Variants in IL17RA observed in about 807,000 individuals in gnomAD.
The protein encoded by IL17RA is interleukin 17 receptor A.
Under a neutral mutation model 50.4 loss-of-function variants are expected in IL17RA, and 34 were observed. The observed-to-expected ratio is 0.67, with a 90% confidence interval of 0.51 to 0.90. The LOEUF (loss-of-function observed/expected upper bound fraction) is 0.90, where lower values mean the gene tolerates loss of function less well. Ranked by LOEUF, IL17RA falls within the 40% of genes least tolerant of loss-of-function variation. The probability of loss-of-function intolerance (pLI) is 0.00; values close to 1 mark genes in which losing one functional copy is unlikely to be tolerated. For missense variants in IL17RA, 1,276 were observed against 1,169.8 expected, an observed-to-expected ratio of 1.09 and a Z score of -1.32; for synonymous variants, 585 against 510.4, an observed-to-expected ratio of 1.15 and a Z score of -1.97.
intron 11 of IL17RA, among the ~76,000 whole-genome samples, chr22:17,106,817 T>G (rs1039275354): frequency 3.9e-5 from 6 of 152,172 alleles, no homozygotes; most frequent in Non-Finnish European, 7.3e-5. Flanking sequence ...TCTCGGCCAG[T>G]GCTCCACAGG....
Position 17,109,998 on chromosome 22 carries a change from G to A in IL17RA, c.*178G>A. The stretch of plus-strand genomic sequence containing the variant: ...CCTCCTAACTTTTCTTTGTGCAGCG[G>A]TCTGGTTATCGTCTATCCCCAGGGG... On this transcript the variant is annotated 3_prime_UTR_variant, in exon 13 of 13. Transcript: ENST00000319363. The A allele has an allele frequency of 1.5e-6, 1 of 680,862 alleles. No individual in the cohort carries two copies. The highest frequency in any genetic ancestry group is 2.4e-6 in the Non-Finnish European group (1 of 408,686). The allele number at this position is 680,862 out of a possible 1,614,324, so 42.2% of individuals were successfully genotyped here.
Position 17,111,979 on chromosome 22 carries a change from A to G in IL17RA, c.*2159A>G, listed in dbSNP as rs950673791. 1.3e-5 allele frequency: 2 copies of G among 152,184 alleles called. No individual in the cohort carries two copies. Among genetic ancestry groups the G allele is most frequent in the African/African-American group, 2.4e-5 (1 of 41,420 alleles). The allele number at this position is 152,184 out of a possible 1,614,324, so 9.4% of individuals were successfully genotyped here. ...AAAGGACCAGGCAAAGGAGAACAGGAGCAGAAGCCTCCCAGCCACTAGCCT... is the reference window on the plus strand; with the variant it reads ...AAAGGACCAGGCAAAGGAGAACAGGGGCAGAAGCCTCCCAGCCACTAGCCT... On this transcript the variant is annotated 3_prime_UTR_variant, in exon 13 of 13. Transcript: ENST00000319363.
In IL17RA at chr22:17,109,129, C is replaced by A. The variant is rs867971944; in HGVS notation, c.1910C>A (p.Pro637Gln). The change falls in exon 13 of 13, where the codon CCG becomes CAG. Residue 637 changes from proline to glutamine, a missense_variant. Transcript: ENST00000319363. The stretch of plus-strand genomic sequence containing the variant: ...TCCCAGGCCTGCCTGGCCATAGACC[C>A]GCTGGTCGGGGAGGAAGGAGGAGCA... ...PGSQACLAID[P>Q]LVGEEGGAAV... is the part of the protein sequence containing the mutation. The A allele has an allele frequency of 1.3e-6, 2 of 1,544,864 alleles. No homozygotes were observed. Among genetic ancestry groups the A allele is most frequent in the East Asian group, 2.4e-5 (1 of 42,126 alleles).
chr22:17,097,251 T>C (rs2061371687), intron 2 of IL17RA, 165 bp downstream of exon 2: 6 of 705,530 alleles, frequency 8.5e-6, no homozygotes, highest in Admixed American at 6.1e-5. Context: ...GCACCTGCGC[T>C]TCCTGTCGAG....
chr22:17,085,514 C>A (rs1323331590), intron 1 of IL17RA, among the ~76,000 whole-genome samples: 1 of 152,080 alleles, frequency 6.6e-6, no homozygotes, highest in Non-Finnish European at 1.5e-5. Flanking sequence ...GGGAGTGACA[C>A]CTCCGCCCGG....
chr22:17,098,982 G>A (rs973293725), intron 4 of IL17RA, 95 bp downstream of exon 4: 3 of 993,798 alleles, frequency 3.0e-6, no homozygotes, highest in Non-Finnish European at 1.6e-6. Context: ...GAGTGGGGGA[G>A]ACCCAGAGGT....
rs1337047257 is a variant in IL17RA, at chr22:17,088,541, A to G, written c.138+3312A>G. On this transcript the variant is annotated intron_variant, in intron 1 of 12. Transcript: ENST00000319363. ...GACACTGTCGCCCAGGCTACAGTGC[A>G]GTGGCATGATCTCGGCTCACTGCAA... Among the ~76,000 whole-genome samples, 2 of 152,082 alleles carry G rather than the reference A, an allele frequency of 1.3e-5. 1 individual carries two copies. The highest frequency in any genetic ancestry group is 4.1e-4 in the South Asian group (2 of 4,832).
At chr22:17,096,917 C>CA in intron 1 of IL17RA, 145 bp from the exon 2 acceptor site, 2 of 749,166 alleles carry the variant, frequency 2.7e-6, no homozygotes, top group Non-Finnish European at 4.9e-6. Context: ...CCCCTGGACT[C>CA]ACTCCTCATC....
chr22:17,097,617 C>A (rs1191238513), intron 2 of IL17RA, 180 bp from the exon 3 acceptor site: 2 of 651,766 alleles, frequency 3.1e-6, no homozygotes, highest in Non-Finnish European at 5.3e-6. Flanking sequence ...TTTGCAGTGA[C>A]CCCAGTAAAC....
chr22:17,105,713 C>G (rs867675646), intron 10 of IL17RA, 111 bp downstream of exon 10: 2 of 1,341,660 alleles, frequency 1.5e-6, no homozygotes, highest in South Asian at 1.2e-5. Context: ...CCGAGGCCAG[C>G]CCGGGGTGGG....
chr22:17,102,112 C>G, intron 6 of IL17RA, 27 bp from the exon 7 acceptor site: 1 of 1,614,190 alleles, frequency 6.2e-7, no homozygotes, highest in Non-Finnish European at 8.5e-7. Flanking sequence ...CCTCCTCACT[C>G]CCAGCCTGCG....
At position 17,097,064 on chromosome 22, in the gene IL17RA, GC is replaced by G; in HGVS notation, c.142del (p.Leu48Ter). On this transcript the variant is annotated frameshift_variant, in exon 2 of 13. Transcript: ENST00000319363. LOFTEE classifies it high-confidence loss of function. The part of the protein sequence containing the change: ...HRALVCSQPG[L>X]NCTVKNSTCL... ...TAACCACCCTCTTTTTTCCACAGGG[GC>G]TAAACTGCACGGTCAAGAATAGTAA... 1 of 1,613,550 alleles carries G rather than the reference GC, an allele frequency of 6.2e-7. No homozygotes were observed. Among genetic ancestry groups the G allele is most frequent in the South Asian group, 1.1e-5 (1 of 91,072 alleles).
chr22:17,087,488 C>A (rs1172622226), intron 1 of IL17RA, among the ~76,000 whole-genome samples: 1 of 152,240 alleles, frequency 6.6e-6, no homozygotes, highest in Non-Finnish European at 1.5e-5. Flanking sequence ...TAGCTCAGTG[C>A]TGGAGCACAG....
At position 17,098,890 on chromosome 22, in the gene IL17RA, A is replaced by G. The variant is rs1299439168; in HGVS notation, c.423+3A>G. The G allele has an allele frequency of 6.2e-7, 1 of 1,610,354 alleles. No homozygotes were observed. The highest frequency in any genetic ancestry group is 1.7e-5 in the Admixed American group (1 of 60,020). On this transcript the variant is annotated splice_donor_region_variant and intron_variant, in intron 4 of 12. Coordinates refer to ENST00000319363, the MANE Select transcript of IL17RA (RefSeq NM_014339.7). Reference sequence around the variant, plus strand: ...AACTGAGGCATCACCACAGGCGGGTAAGAACACAGCTCCTGAGTGGATTAT... The same window carrying G: ...AACTGAGGCATCACCACAGGCGGGTGAGAACACAGCTCCTGAGTGGATTAT...
rs767643461 is a variant in IL17RA at position 17,107,718 on chromosome 22, C to T, written c.1046-9C>T. On this transcript the variant is annotated splice_polypyrimidine_tract_variant and intron_variant, in intron 11 of 12. Transcript: ENST00000319363. ...AGAACCACTCCAGTGTATTTCTTTT[C>T]CTTTCCAGGGCCTGGAAGTGAAAAA... is the stretch of plus-strand genomic sequence containing the variant. The T allele has an allele frequency of 6.2e-7, 1 of 1,612,180 alleles. No homozygotes were observed. Among genetic ancestry groups the T allele is most frequent in the South Asian group, 1.1e-5 (1 of 91,038 alleles).
At chr22:17,094,671 C>CTATATATATATATATATGTGTGTATA (rs1568917407) in intron 1 of IL17RA, among the ~76,000 whole-genome samples, 1 of 40,764 alleles carries the variant, frequency 2.5e-5, no homozygotes, top group Non-Finnish European at 5.0e-5. Flanking sequence ...CTCTCTCTCT[C>CTATATATATATATATATGTGTGTATA]TCTCTCTCTC....
Position 17,109,543 on chromosome 22 carries a change from TCA to T in IL17RA, c.2327_2328del (p.Thr776ArgfsTer17), listed in dbSNP as rs2061431347. Reference sequence around the variant, plus strand: ...GGCTGCAGTAGACCCGCCATGGTCCTCACAGACCCACACACGCCCTACGAGGA... The same window carrying T: ...GGCTGCAGTAGACCCGCCATGGTCCTCAGACCCACACACGCCCTACGAGGA... On this transcript the variant is annotated frameshift_variant, in exon 13 of 13. Transcript: ENST00000319363. LOFTEE classifies it low-confidence loss of function (END_TRUNC). The T allele has an allele frequency of 6.3e-7, 1 of 1,599,984 alleles. No homozygotes were observed. The highest frequency in any genetic ancestry group is 1.3e-5 in the African/African-American group (1 of 74,756).
intron 1 of IL17RA, among the ~76,000 whole-genome samples, chr22:17,094,834 A>G (rs2061363457): frequency 6.6e-6 from 1 of 150,490 alleles, no homozygotes; most frequent in Non-Finnish European, 1.5e-5. Context: ...GCAGGTCAAC[A>G]GATGTCTATG....
chr22:17,108,183 G>A (rs2061421760), intron 12 of IL17RA, 124 bp from the exon 13 acceptor site: 1 of 970,988 alleles, frequency 1.0e-6, no homozygotes. Flanking sequence ...GCCTCAGTTG[G>A]GTTTCTCAGC....
Sources: gnomAD v4.1 joint callset for allele counts (sites outside exome capture counted in the v4.1 genomes callset) on GRCh38, gnomAD v4.1.1 for gene constraint, MANE v1.5 for transcripts, NCBI Gene and HGNC (gene_info 2026-07-23, HGNC 2026-07-21) for gene names.